ANKFN1: variants seen among roughly 807,000 people sequenced by gnomAD.
The protein encoded by ANKFN1 is ankyrin repeat and fibronectin type-III domain-containing protein 1.
ANKFN1 carries 74 observed loss-of-function variants against 108.7 expected under a neutral mutation model. The ratio of observed to expected loss-of-function variants is 0.68; its 90% CI spans 0.56 to 0.83. The LOEUF (loss-of-function observed/expected upper bound fraction) is 0.83, where lower values mean the gene tolerates loss of function less well. ANKFN1 is among the 40% of genes least tolerant of loss of function. The probability of loss-of-function intolerance (pLI) is 0.00; values close to 1 mark genes in which losing one functional copy is unlikely to be tolerated. For missense variants in ANKFN1, 1,505 were observed against 1,382.3 expected (o/e 1.09, Z -1.41); for synonymous variants, 547 against 516.2 (o/e 1.06, Z -0.81).
chr17:56,186,417 T>C (rs1239780691), intron 1 of ANKFN1, among the ~76,000 whole-genome samples: 1 of 151,938 alleles, frequency 6.6e-6, no homozygotes, highest in African/African-American at 2.4e-5. Flanking sequence ...TGTGTTGTGA[T>C]ACCATTTTAC....
chr17:56,334,382 G>A (rs1257753641), intron 4 of ANKFN1, among the ~76,000 whole-genome samples: 1 of 152,062 alleles, frequency 6.6e-6, no homozygotes. Context: ...TAAGGATAAT[G>A]TATATGTTCA....
At chr17:56,442,995 C>A in intron 10 of ANKFN1, 62 bp downstream of exon 10, 1 of 1,544,158 alleles carries the variant, frequency 6.5e-7, no homozygotes, top group Non-Finnish European at 8.9e-7. Flanking sequence ...ACTCCATCTT[C>A]AGGGTGCCAT....
intron 3 of ANKFN1, among the ~76,000 whole-genome samples, chr17:56,287,218 G>A (rs1318895260): frequency 6.6e-6 from 1 of 152,070 alleles, no homozygotes. Context: ...AGTGAGATGT[G>A]GCATCGGGTT....
chr17:56,052,586 A>G (rs532049363), intron 4 of ANKFN1, among the ~76,000 whole-genome samples: 1 of 152,292 alleles, frequency 6.6e-6, no homozygotes, highest in African/African-American at 2.4e-5. Context: ...CTGCAAAATT[A>G]TATTCAGGAG....
intron 18 of ANKFN1, among the ~76,000 whole-genome samples, chr17:56,487,478 T>C (rs2050891816): frequency 6.6e-6 from 1 of 152,088 alleles, no homozygotes; most frequent in South Asian, 2.1e-4. Context: ...AGTTGGCCTT[T>C]GTTGATTTCC....
At chr17:56,260,032 C>G (rs1193599878) in intron 3 of ANKFN1, among the ~76,000 whole-genome samples, 2 of 151,958 alleles carry the variant, frequency 1.3e-5, no homozygotes, top group African/African-American at 4.8e-5. Context: ...CATCTGCCAT[C>G]CAAGCAGAGA....
At chr17:56,487,316 C>A (rs904691101) in intron 18 of ANKFN1, among the ~76,000 whole-genome samples, 8 of 152,068 alleles carry the variant, frequency 5.3e-5, no homozygotes, top group Non-Finnish European at 1.0e-4. Flanking sequence ...TTACAAAGTT[C>A]CCAGGAACAG....
At chr17:56,400,153 A>G (rs1272566679) in intron 8 of ANKFN1, among the ~76,000 whole-genome samples, 1 of 151,980 alleles carries the variant, frequency 6.6e-6, no homozygotes, top group Non-Finnish European at 1.5e-5. Flanking sequence ...TATTTAAGGA[A>G]TCTCCACATT....
chr17:56,135,638 A>T (rs1174235957), intron 4 of ANKFN1, among the ~76,000 whole-genome samples: 3 of 152,148 alleles, frequency 2.0e-5, no homozygotes, highest in Non-Finnish European at 2.9e-5. Context: ...CAGCTCCAAG[A>T]TGCTTTCTTG....
intron 8 of ANKFN1, among the ~76,000 whole-genome samples, chr17:56,378,921 C>G (rs2047014411): frequency 6.6e-6 from 1 of 152,164 alleles, no homozygotes; most frequent in Non-Finnish European, 1.5e-5. Flanking sequence ...TACTTTCATT[C>G]ACTAGTTGCT....
chr17:56,456,910 C>G lies in ANKFN1; in HGVS notation c.1257C>G (p.Ser419Arg), dbSNP rs1020907881. 8 of 1,613,966 alleles carry G rather than the reference C, an allele frequency of 5.0e-6. No individual in the cohort carries two copies. The highest frequency in any genetic ancestry group is 2.7e-5 in the African/African-American group (2 of 74,888). Residue 419 changes from serine to arginine, a missense_variant, in exon 12 of 21, where the codon AGC becomes AGG. Physicochemically the swap from Ser to Arg is moderately radical, Grantham distance 110. Transcript: ENST00000682825. ...TTGRKQSVSR[S>R]LKHLFHSSNK... ...GCCGCAAGCAGTCAGTCTCAAGAAG[C>G]CTGAAACACCTGTTCCATTCCTCGA...
At chr17:56,226,690 TG>T (rs1395624079) in intron 2 of ANKFN1, among the ~76,000 whole-genome samples, 4 of 152,166 alleles carry the variant, frequency 2.6e-5, no homozygotes, top group Non-Finnish European at 5.9e-5. Flanking sequence ...CTTGGCCTTC[TG>T]ATAGTAATAA....
At chr17:56,333,174 C>G (rs751769913) in intron 4 of ANKFN1, among the ~76,000 whole-genome samples, 11 of 151,844 alleles carry the variant, frequency 7.2e-5, no homozygotes, top group Non-Finnish European at 1.0e-4. Flanking sequence ...TTTTCTTGCC[C>G]TACTTCACTG....
chr17:56,050,585 G>A (rs150136364), intron 4 of ANKFN1, among the ~76,000 whole-genome samples: 1,758 of 150,218 alleles, frequency 0.012, 38 homozygotes, highest in African/African-American at 0.041. Context: ...TGTAAGGAAG[G>A]GATCCAGTTT....
intron 3 of ANKFN1, among the ~76,000 whole-genome samples, chr17:56,318,213 A>T (rs1400384729): frequency 1.3e-5 from 2 of 152,060 alleles, no homozygotes; most frequent in Non-Finnish European, 2.9e-5. Context: ...CTTGCCAAGG[A>T]TGTAAAAATA....
chr17:56,491,787 A>T (rs1568046689), intron 18 of ANKFN1, among the ~76,000 whole-genome samples: 1 of 152,212 alleles, frequency 6.6e-6, no homozygotes, highest in Non-Finnish European at 1.5e-5. Flanking sequence ...GAAATCAGAC[A>T]TGAAAACCAA....
chr17:56,188,141 GC>G (rs1470104949), intron 1 of ANKFN1, among the ~76,000 whole-genome samples: 3 of 152,114 alleles, frequency 2.0e-5, no homozygotes, highest in Non-Finnish European at 4.4e-5. Flanking sequence ...AAGTTACTGT[GC>G]CTTTTGATAT....
At chr17:56,104,745 A>G (rs1253613603) in intron 4 of ANKFN1, among the ~76,000 whole-genome samples, 2 of 152,136 alleles carry the variant, frequency 1.3e-5, no homozygotes, top group African/African-American at 4.8e-5. Flanking sequence ...GCTCCCTGGT[A>G]TTAATTGTTT....
intron 3 of ANKFN1, among the ~76,000 whole-genome samples, chr17:56,253,116 T>C (rs1453646310): frequency 2.0e-5 from 3 of 152,056 alleles, no homozygotes; most frequent in African/African-American, 7.3e-5. Flanking sequence ...GTGAGGAAAA[T>C]CAAGTGAAGC....
Sources: allele counts gnomAD v4.1 joint callset (sites outside exome capture counted in the v4.1 genomes callset), GRCh38; gene constraint gnomAD v4.1.1; transcripts MANE v1.5; gene names NCBI Gene and HGNC (gene_info 2026-07-23, HGNC 2026-07-21).